PCDHGA3: variants seen among roughly 807,000 people sequenced by gnomAD.
PCDHGA3 encodes protocadherin gamma subfamily A, 3.
In PCDHGA3, 40 loss-of-function variants were observed where a neutral mutation model predicts 58.5. That is an observed-to-expected ratio of 0.68 (90% CI 0.53 to 0.89). The LOEUF (loss-of-function observed/expected upper bound fraction) is 0.89, where lower values mean the gene tolerates loss of function less well. PCDHGA3 is among the 40% of genes least tolerant of loss of function. PCDHGA3 has a pLI of 0.00. For missense variants in PCDHGA3, 1,223 were observed against 1,195.9 expected (o/e 1.02, Z -0.33); for synonymous variants, 530 against 525.7 (o/e 1.01, Z -0.11).
At chr5:141,418,536 C>G (rs1196331424) in intron 1 of PCDHGA3, 6 of 1,614,026 alleles carry the variant, frequency 3.7e-6, no homozygotes, top group South Asian at 1.1e-5. Flanking sequence ...AGCGGTACTG[C>G]TCAGATAAGA....
chr5:141,376,250 C>A, intron 1 of PCDHGA3: 1 of 1,614,246 alleles, frequency 6.2e-7, no homozygotes, highest in Non-Finnish European at 8.5e-7. Flanking sequence ...GCACAAGTCA[C>A]GCCTGCTGCA....
chr5:141,364,414 C>A (rs776503621), intron 1 of PCDHGA3: 13 of 1,612,210 alleles, frequency 8.1e-6, no homozygotes, highest in Admixed American at 3.3e-5. Context: ...AGCCAGGATC[C>A]GGGCAGATCC....
intron 1 of PCDHGA3, chr5:141,350,114 C>T: frequency 1.8e-6 from 1 of 569,488 alleles, no homozygotes; most frequent in Non-Finnish European, 2.7e-6. Context: ...CCTGCTTTGT[C>T]CGGTGCACTG....
chr5:141,502,866 CTTTT>C (rs549047197), intron 2 of PCDHGA3, among the ~76,000 whole-genome samples: 1 of 128,042 alleles, frequency 7.8e-6, no homozygotes. Context: ...GACTCTCTGT[CTTTT>C]TTTTTTTTTT....
intron 1 of PCDHGA3, chr5:141,373,950 A>G (rs2150030574): frequency 1.2e-6 from 1 of 822,986 alleles, no homozygotes; most frequent in Non-Finnish European, 1.8e-6. Context: ...CTGTGCAGAA[A>G]TTCTGACCTG....
At chr5:141,391,495 A>G (rs962883294) in intron 1 of PCDHGA3, 2 of 152,136 alleles carry the variant, frequency 1.3e-5, no homozygotes, top group Non-Finnish European at 2.9e-5. Context: ...TGTTTTCAGT[A>G]GAGAAAATAT....
chr5:141,415,484 G>C (rs369349538), intron 1 of PCDHGA3: 18 of 1,614,102 alleles, frequency 1.1e-5, no homozygotes, highest in Non-Finnish European at 1.5e-5. Flanking sequence ...TCGCGAAAGA[G>C]TCACCTGATC....
At chr5:141,461,820 A>AT (rs1458631685) in intron 1 of PCDHGA3, among the ~76,000 whole-genome samples, 5 of 147,814 alleles carry the variant, frequency 3.4e-5, no homozygotes, top group African/African-American at 7.5e-5. Context: ...CACCCAGCTA[A>AT]TTTTTTTTTC....
At chr5:141,422,480 G>A in intron 1 of PCDHGA3, 2 of 1,613,906 alleles carry the variant, frequency 1.2e-6, no homozygotes, top group South Asian at 2.2e-5. Flanking sequence ...TTGGTCCAGA[G>A]CTACAATATA....
chr5:141,399,092 G>C (rs573118488), intron 1 of PCDHGA3: 1 of 1,613,810 alleles, frequency 6.2e-7, no homozygotes, highest in East Asian at 2.2e-5. Context: ...GATGGTGGTG[G>C]ACTGGTTGCA....
intron 1 of PCDHGA3, chr5:141,382,981 GC>G (rs1247248869): frequency 6.2e-7 from 1 of 1,612,206 alleles, no homozygotes; most frequent in African/African-American, 1.3e-5. Flanking sequence ...GGAAGCCTGG[GC>G]AGGACGTATT....
intron 1 of PCDHGA3, chr5:141,399,816 G>A: frequency 1.2e-6 from 2 of 1,613,196 alleles, no homozygotes; most frequent in Non-Finnish European, 1.7e-6. Context: ...ACCCCGCGCT[G>A]GGTCCCGACG....
intron 1 of PCDHGA3, chr5:141,366,483 G>A: frequency 6.2e-7 from 1 of 1,614,236 alleles, no homozygotes; most frequent in South Asian, 1.1e-5. Context: ...AGACTGAGGC[G>A]CTGGCACAAG....
At chr5:141,500,582 T>G (rs534297929) in intron 2 of PCDHGA3, among the ~76,000 whole-genome samples, 29 of 152,314 alleles carry the variant, frequency 1.9e-4, no homozygotes, top group African/African-American at 6.7e-4. Flanking sequence ...ATGTGACACT[T>G]TATTCACATA....
At chr5:141,356,631 AG>A (rs769542220) in intron 1 of PCDHGA3, 2 of 1,614,168 alleles carry the variant, frequency 1.2e-6, no homozygotes, top group Non-Finnish European at 1.7e-6. Context: ...TGACTGCTCA[AG>A]ACCCTGACAG....
chr5:141,362,405 C>T (rs1487845960), intron 1 of PCDHGA3: 14 of 1,614,052 alleles, frequency 8.7e-6, no homozygotes, highest in Non-Finnish European at 1.1e-5. Context: ...CTGTGTGTTG[C>T]CTCACAATCA....
chr5:141,359,342 G>A (rs1479136491), intron 1 of PCDHGA3, among the ~76,000 whole-genome samples: 1 of 152,012 alleles, frequency 6.6e-6, no homozygotes, highest in Non-Finnish European at 1.5e-5. Flanking sequence ...GAATGAGAGT[G>A]CCACATGTTT....
At chr5:141,372,684 G>A (rs199934753) in intron 1 of PCDHGA3, 524 of 1,613,850 alleles carry the variant, frequency 3.2e-4, no homozygotes, top group Non-Finnish European at 4.1e-4. Flanking sequence ...CTCAAACACC[G>A]AGTTTAAATT....
At chr5:141,357,440 G>C in intron 1 of PCDHGA3, 1 of 1,614,198 alleles carries the variant, frequency 6.2e-7, no homozygotes, top group Non-Finnish European at 8.5e-7. Flanking sequence ...GACGGGGTTC[G>C]GGCTTTCCTG....
Sources: allele counts gnomAD v4.1 joint callset (sites outside exome capture counted in the v4.1 genomes callset), GRCh38; gene constraint gnomAD v4.1.1; transcripts MANE v1.5; gene names NCBI Gene and HGNC (gene_info 2026-07-23, HGNC 2026-07-21).